ADGRB1: variants seen among roughly 807,000 people sequenced by gnomAD.
ADGRB1 encodes brain-specific angiogenesis inhibitor 1.
In ADGRB1, 36 loss-of-function variants were observed where a neutral mutation model predicts 175.7. That is an observed-to-expected ratio of 0.20 (90% CI 0.16 to 0.27). The LOEUF (loss-of-function observed/expected upper bound fraction) is 0.27, where lower values mean the gene tolerates loss of function less well. ADGRB1 is among the 10% of genes least tolerant of loss of function. The pLI is 1.00. For missense variants in ADGRB1, 1,731 were observed against 2,255.3 expected (o/e 0.77, Z 4.71); for synonymous variants, 1,054 against 979.4 (o/e 1.08, Z -1.42).
chr8:142,481,216 C>T lies in ADGRB1; in HGVS notation c.1829-38C>T, dbSNP rs369288651. 9 of 1,585,332 alleles carry T rather than the reference C, an allele frequency of 5.7e-6. No homozygotes were observed. In the African/African-American group the frequency reaches 1.2e-4, roughly 21 times the overall value. Reference sequence around the variant, plus strand: ...CCAAGGGTGGGATTCCTGGGCCAGGCAGCGGGCATCCACCTGAGAAGGGGA... The same window carrying T: ...CCAAGGGTGGGATTCCTGGGCCAGGTAGCGGGCATCCACCTGAGAAGGGGA... On this transcript the variant is annotated intron_variant, in intron 9 of 30. Transcript: ENST00000517894.
At chr8:142,533,543 G>T in intron 25 of ADGRB1, 77 bp downstream of exon 25, 1 of 1,461,066 alleles carries the variant, frequency 6.8e-7, no homozygotes, top group African/African-American at 1.4e-5. Flanking sequence ...CTTCCCCGAG[G>T]ACCTCGGCAG....
Position 142,510,877 on chromosome 8 carries a change from C to T in ADGRB1, c.2676-55C>T. 1 of 986,568 alleles carries T rather than the reference C, an allele frequency of 1.0e-6. No homozygotes were observed. Among genetic ancestry groups the T allele is most frequent in the Non-Finnish European group, 1.2e-6 (1 of 822,592 alleles). 61.1% of individuals were successfully genotyped at this position (986,568 alleles called of 1,614,324 possible). ...CGCTCGGGGGCCGGGGCGCCCGCGT[C>T]CCCGCCGCCGCTGACGCTCCGCCTG... is the stretch of plus-strand genomic sequence containing the variant. On this transcript the variant is annotated intron_variant, in intron 17 of 30. Transcript: ENST00000517894. This position sits in a 1 kb window ranked among gnomAD's most constrained non-coding sequence, Gnocchi z 6.3.
At chr8:142,476,540 G>C in intron 3 of ADGRB1, 45 bp from the exon 4 acceptor site, 1 of 1,511,640 alleles carries the variant, frequency 6.6e-7, no homozygotes, top group Non-Finnish European at 9.0e-7. Context: ...GAGAGAGGAC[G>C]GGGGCAAAGA....
In ADGRB1 at chr8:142,481,284, A is replaced by T. The variant is rs1841322256; in HGVS notation, c.1859A>T (p.Glu620Val). ...ATCCTGCGACGGTGTGAGCTGGACG[A>T]GGAAGGCATCGCCTACTGGGAGCCC... ...GLILRRCELD[E>V]EGIAYWEPPT... The change falls in exon 10 of 31, where the codon GAG becomes GTG. Residue 620 changes from glutamate (E) to valine (V), a missense_variant. Physicochemically the swap from Glu to Val is moderately radical, Grantham distance 121. Coordinates refer to ENST00000517894, the MANE Select transcript of ADGRB1 (RefSeq NM_001702.3). The T allele has an allele frequency of 1.2e-6, 2 of 1,613,710 alleles. No homozygotes were observed. Among genetic ancestry groups the T allele is most frequent in the South Asian group, 2.2e-5 (2 of 91,086 alleles).
chr8:142,511,627 T>C lies in ADGRB1; in HGVS notation c.2817+554T>C, dbSNP rs1843110997. ...GCCTCAGCACCTCGGGGCTTCCTTT[T>C]TGTTCCTGTGATTCCTGTGGGGGCT... On this transcript the variant is annotated intron_variant, in intron 18 of 30. Transcript: ENST00000517894. The surrounding 1 kb of genome is among the most constrained non-coding windows in gnomAD (Gnocchi z 4.5). Among the ~76,000 whole-genome samples, 1 of 152,068 alleles carries C rather than the reference T, an allele frequency of 6.6e-6. No individual in the cohort carries two copies. Among genetic ancestry groups the C allele is most frequent in the Admixed American group, 6.5e-5 (1 of 15,284 alleles).
chr8:142,540,423 T>C (rs1433096256), intron 27 of ADGRB1, among the ~76,000 whole-genome samples: 2 of 152,154 alleles, frequency 1.3e-5, no homozygotes, highest in Non-Finnish European at 1.5e-5. Context: ...TCTGAGCCCC[T>C]GATTCCCTCT....
At chr8:142,452,054 A>G (rs1839383865) in intron 1 of ADGRB1, among the ~76,000 whole-genome samples, 1 of 152,194 alleles carries the variant, frequency 6.6e-6, no homozygotes, top group African/African-American at 2.4e-5. Context: ...CCGCCGAGTC[A>G]GTCCCGCTCG....
Position 142,479,360 on chromosome 8 carries a change from T to C in ADGRB1, c.1599T>C (p.Ser533=). Residue 533 remains serine, a synonymous_variant, in exon 8 of 31, where the codon AGT becomes AGC. Transcript: ENST00000517894. ...GGCAGGCCTGGGCGTCATGGGGCAGTTGCAGCGTCACGTGTGGGGCTGGCA... is the reference window on the plus strand; with the variant it reads ...GGCAGGCCTGGGCGTCATGGGGCAGCTGCAGCGTCACGTGTGGGGCTGGCA... ...GKWQAWASWG[S]CSVTCGAGSQ... is the part of the protein sequence containing the mutation. 2 of 1,533,458 alleles carry C rather than the reference T, an allele frequency of 1.3e-6. No homozygotes were observed. Among genetic ancestry groups the C allele is most frequent in the Non-Finnish European group, 1.7e-6 (2 of 1,143,342 alleles). 95.0% of individuals were successfully genotyped at this position (1,533,458 alleles called of 1,614,324 possible). A position where few individuals can be genotyped will look rare whatever the true frequency, so the allele number is the denominator to read the frequency against.
At chr8:142,502,435 G>A (rs1320918151) in intron 17 of ADGRB1, among the ~76,000 whole-genome samples, 3 of 5,506 alleles carry the variant, frequency 5.4e-4, no homozygotes, top group Non-Finnish European at 8.8e-4. Flanking sequence ...GGTGGTGGTG[G>A]TAGTGGTGGT....
At chr8:142,450,486 A>C (rs1839278909) in intron 1 of ADGRB1, among the ~76,000 whole-genome samples, 2 of 152,108 alleles carry the variant, frequency 1.3e-5, no homozygotes, top group African/African-American at 4.8e-5. Flanking sequence ...CTGTACCCCC[A>C]GCACACACAG....
At chr8:142,532,588 T>G (rs1844688499) in intron 24 of ADGRB1, among the ~76,000 whole-genome samples, 1 of 152,118 alleles carries the variant, frequency 6.6e-6, no homozygotes, top group South Asian at 2.1e-4. Context: ...GTCTGTCTGT[T>G]GCCGTCTGTC....
chr8:142,492,939 G>A lies in ADGRB1; in HGVS notation c.2675+2124G>A, dbSNP rs138485736. Among the ~76,000 whole-genome samples, 308 of 152,182 alleles carry A rather than the reference G, an allele frequency of 2.0e-3. 2 individuals carry two copies. The highest frequency in any genetic ancestry group is 7.1e-3 in the African/African-American group (294 of 41,556). On this transcript the variant is annotated intron_variant, in intron 17 of 30. Coordinates refer to ENST00000517894, the MANE Select transcript of ADGRB1 (RefSeq NM_001702.3). The surrounding 1 kb of genome is among the most constrained non-coding windows in gnomAD (Gnocchi z 4.4). ...CCATCCGGGCTGTTCGCCGGCCGCG[G>A]CAGCTCTCGGGGGGCTGCGCCCTGG...
At position 142,517,940 on chromosome 8, in the gene ADGRB1, G is replaced by A. The variant is rs527261517; in HGVS notation, c.2818-198G>A. On this transcript the variant is annotated intron_variant, in intron 18 of 30. Coordinates refer to ENST00000517894, the MANE Select transcript of ADGRB1 (RefSeq NM_001702.3). ...GCCCAACCTCACAGAGCACAGCCCCGAAAGGGAGTTCTGGAGGGCCTGGGC... is the reference window on the plus strand; with the variant it reads ...GCCCAACCTCACAGAGCACAGCCCCAAAAGGGAGTTCTGGAGGGCCTGGGC... Among the ~76,000 whole-genome samples the A allele has an allele frequency of 1.6e-4, 24 of 151,562 alleles. No individual in the cohort carries two copies. In the East Asian group the frequency reaches 2.4e-3, roughly 15 times the overall value.
In ADGRB1 at chr8:142,474,119, C is replaced by T. The variant is rs977316009; in HGVS notation, c.785-1355C>T. Among the ~76,000 whole-genome samples, 27 of 152,270 alleles carry T rather than the reference C, an allele frequency of 1.8e-4. No individual in the cohort carries two copies. Among genetic ancestry groups the T allele is most frequent in the African/African-American group, 5.5e-4 (23 of 41,542 alleles). Reference sequence around the variant, plus strand: ...TGGTGGGGCCACTGGGGGAATCTGGCAGCTGGAGCTACCCTGGGGTCTCCT... The same window carrying T: ...TGGTGGGGCCACTGGGGGAATCTGGTAGCTGGAGCTACCCTGGGGTCTCCT... On this transcript the variant is annotated intron_variant, in intron 2 of 30. Coordinates refer to ENST00000517894, the MANE Select transcript of ADGRB1 (RefSeq NM_001702.3). This position sits in a 1 kb window ranked among gnomAD's most constrained non-coding sequence, Gnocchi z 5.8.
chr8:142,486,748 G>T (rs892788693), intron 13 of ADGRB1, among the ~76,000 whole-genome samples: 2 of 152,242 alleles, frequency 1.3e-5, no homozygotes, highest in African/African-American at 4.8e-5. Flanking sequence ...GTTAGGCACA[G>T]CGGCTCACGC....
intron 24 of ADGRB1, among the ~76,000 whole-genome samples, chr8:142,532,542 C>A (rs1207319321): frequency 6.6e-6 from 1 of 152,104 alleles, no homozygotes; most frequent in Non-Finnish European, 1.5e-5. Context: ...GAGGCATGGG[C>A]GGAGCTGGCC....
rs1474231901 is a variant in ADGRB1 at position 142,516,279 on chromosome 8, T to C, written c.2818-1859T>C. On this transcript the variant is annotated intron_variant, in intron 18 of 30. Coordinates refer to ENST00000517894, the MANE Select transcript of ADGRB1 (RefSeq NM_001702.3). The stretch of plus-strand genomic sequence containing the variant: ...GTGCGTGCGTCTGTGCGGGCCCCAG[T>C]TGCGTGTGTGTGGGCCCCAGGTGCA... 2.4e-4 allele frequency among the ~76,000 whole-genome samples: 17 copies of C among 71,010 alleles called. 1 individual carries two copies. The highest frequency in any genetic ancestry group is 1.8e-3 in the Admixed American group (11 of 6,042). 46.6% of individuals were successfully genotyped at this position (71,010 alleles called of 152,430 possible).
Position 142,493,269 on chromosome 8 carries a change from A to G in ADGRB1, c.2675+2454A>G, listed in dbSNP as rs764656736. 2.0e-5 allele frequency among the ~76,000 whole-genome samples: 3 copies of G among 152,062 alleles called. No individual in the cohort carries two copies. The highest frequency in any genetic ancestry group is 4.4e-5 in the Non-Finnish European group (3 of 67,990). On this transcript the variant is annotated intron_variant, in intron 17 of 30. Transcript: ENST00000517894. This position sits in a 1 kb window ranked among gnomAD's most constrained non-coding sequence, Gnocchi z 5.0. ...GGACCCAACTGTGGCCGAAGAGGAC[A>G]TGCTGCGTGGCCTTGGGCAGAGCCT...
At chr8:142,489,188 G>C (rs965167925) in intron 15 of ADGRB1, 78 bp downstream of exon 15, 1 of 1,546,264 alleles carries the variant, frequency 6.5e-7, no homozygotes, top group African/African-American at 1.4e-5. Flanking sequence ...GGATGTGAAG[G>C]GGGAGGCCAG....
Sources: allele counts gnomAD v4.1 joint callset (sites outside exome capture counted in the v4.1 genomes callset), GRCh38; gene constraint gnomAD v4.1.1; non-coding constraint Gnocchi (gnomAD v3.1); transcripts MANE v1.5; gene names NCBI Gene and HGNC (gene_info 2026-07-23, HGNC 2026-07-21).